The following LRMDA variants were observed in gnomAD, a reference collection of about 807,000 sequenced individuals.
LRMDA encodes the protein leucine rich melanocyte differentiation associated.
In LRMDA, 18 loss-of-function variants were observed where a neutral mutation model predicts 29.8. That is an observed-to-expected ratio of 0.60 (90% confidence interval 0.42 to 0.90). The LOEUF (loss-of-function observed/expected upper bound fraction) is 0.90. Ranked by LOEUF, LRMDA falls within the 40% of genes least tolerant of loss-of-function variation. The pLI, the probability that LRMDA is intolerant of heterozygous loss-of-function variation, is 0.00. For synonymous variants in LRMDA, 125 were observed against 109.4 expected (o/e 1.14, Z -0.89); for missense variants, 273 against 273.9 (o/e 1.00, Z 0.02).
At chr10:75,734,262 T>A (rs1449258291) in intron 2 of LRMDA, among the ~76,000 whole-genome samples, 1 of 152,118 alleles carries the variant, frequency 6.6e-6, no homozygotes, top group Non-Finnish European at 1.5e-5. Context: ...AGAGAAAACA[T>A]CCAGTAGTTA....
intron 5 of LRMDA, among the ~76,000 whole-genome samples, chr10:76,097,990 C>G (rs1271837581): frequency 1.3e-5 from 2 of 152,140 alleles, no homozygotes; most frequent in Admixed American, 1.3e-4. Context: ...TCAATATCCT[C>G]TCTAGCTATT....
intron 6 of LRMDA, among the ~76,000 whole-genome samples, chr10:76,503,141 T>C (rs2579756): frequency 2.0e-5 from 3 of 151,742 alleles, no homozygotes; most frequent in African/African-American, 7.3e-5. Flanking sequence ...TTTCTGCATC[T>C]ATTGAGATGA....
intron 6 of LRMDA, among the ~76,000 whole-genome samples, chr10:76,514,819 C>T (rs141388885): frequency 2.4e-3 from 365 of 152,184 alleles, no homozygotes; most frequent in African/African-American, 8.4e-3. Context: ...CTGGTGCACA[C>T]GTCTTCATGG....
chr10:76,557,158 C>G, intron 6 of LRMDA, 51 bp from the exon 7 acceptor site: 1 of 1,444,400 alleles, frequency 6.9e-7, no homozygotes, highest in Non-Finnish European at 9.7e-7. Context: ...CTGTGTTTCC[C>G]TGCTATGCTA....
chr10:75,939,507 C>G (rs1357038686), intron 2 of LRMDA, among the ~76,000 whole-genome samples: 1 of 152,110 alleles, frequency 6.6e-6, no homozygotes, highest in Non-Finnish European at 1.5e-5. Flanking sequence ...TGAAGATCTG[C>G]TAAAGGTCTG....
At chr10:76,083,490 T>G (rs1344724149) in intron 5 of LRMDA, among the ~76,000 whole-genome samples, 1 of 152,198 alleles carries the variant, frequency 6.6e-6, no homozygotes, top group Non-Finnish European at 1.5e-5. Context: ...CCTGATCTGT[T>G]GGCCTCACCA....
chr10:76,381,032 T>C (rs1841585209), intron 6 of LRMDA, among the ~76,000 whole-genome samples: 1 of 32,908 alleles, frequency 3.0e-5, no homozygotes, highest in Non-Finnish European at 8.8e-5. Flanking sequence ...TTTTTTTTTT[T>C]TTTTTTTGGC....
At chr10:76,260,970 A>G (rs1240631184) in intron 5 of LRMDA, 2 of 152,194 alleles carry the variant, frequency 1.3e-5, no homozygotes, top group Non-Finnish European at 2.9e-5. Context: ...CCAGCTTAGC[A>G]ACCCTACTGG....
At chr10:75,537,817 T>C (rs1839968266) in intron 2 of LRMDA, among the ~76,000 whole-genome samples, 1 of 152,180 alleles carries the variant, frequency 6.6e-6, no homozygotes, top group Non-Finnish European at 1.5e-5. Flanking sequence ...AGATGTTCCA[T>C]ACTTCTCAAA....
intron 5 of LRMDA, among the ~76,000 whole-genome samples, chr10:76,087,736 G>A (rs1244174096): frequency 6.6e-6 from 1 of 152,116 alleles, no homozygotes; most frequent in Non-Finnish European, 1.5e-5. Flanking sequence ...AAATAGAGGG[G>A]CCCAAAAGGA....
At chr10:76,166,033 CAA>C (rs762845544) in intron 5 of LRMDA, among the ~76,000 whole-genome samples, 4 of 152,154 alleles carry the variant, frequency 2.6e-5, no homozygotes, top group Admixed American at 6.5e-5. Flanking sequence ...ATGAAGTAAA[CAA>C]TGATGGGCAT....
At chr10:76,445,476 T>G (rs568582419) in intron 6 of LRMDA, among the ~76,000 whole-genome samples, 1 of 152,234 alleles carries the variant, frequency 6.6e-6, no homozygotes, top group Non-Finnish European at 1.5e-5. Context: ...CGGATGTTTA[T>G]TTGTCTGTTA....
chr10:76,295,729 C>G (rs1005929872), intron 5 of LRMDA, among the ~76,000 whole-genome samples: 1 of 152,206 alleles, frequency 6.6e-6, no homozygotes, highest in Non-Finnish European at 1.5e-5. Flanking sequence ...TAAGCTATCT[C>G]TGCCCCACCT....
At chr10:76,532,871 G>A (rs1419653614) in intron 6 of LRMDA, among the ~76,000 whole-genome samples, 1 of 152,106 alleles carries the variant, frequency 6.6e-6, no homozygotes, top group Non-Finnish European at 1.5e-5. Flanking sequence ...AAGTTACATT[G>A]CTTTAGTTAT....
chr10:76,444,452 A>T (rs776372295), intron 6 of LRMDA, among the ~76,000 whole-genome samples: 2 of 152,204 alleles, frequency 1.3e-5, no homozygotes, highest in Non-Finnish European at 2.9e-5. Flanking sequence ...CATTCTTAAG[A>T]GGCAAGAGAA....
rs138342139 is a variant in LRMDA at position 76,260,414 on chromosome 10, G to T, written c.517-63987G>T. Among the ~76,000 whole-genome samples the T allele has an allele frequency of 2.0e-3, 305 of 152,190 alleles. 3 individuals are homozygous for T. Among genetic ancestry groups the T allele is most frequent in the African/African-American group, 6.8e-3 (282 of 41,538 alleles). ...ACTTAGTTTTAGCTTGTCTGAAAAA[G>T]ATTTTATTTCTTCTTAATTTCTAAA... On this transcript the variant is annotated intron_variant, in intron 5 of 6. Coordinates refer to ENST00000611255, the MANE Select transcript of LRMDA (RefSeq NM_001305581.2).
intron 2 of LRMDA, among the ~76,000 whole-genome samples, chr10:75,646,480 C>G (rs1466963730): frequency 6.6e-6 from 1 of 152,188 alleles, no homozygotes; most frequent in Non-Finnish European, 1.5e-5. Flanking sequence ...ATTCATGTGG[C>G]CTCCGCGAAG....
intron 2 of LRMDA, among the ~76,000 whole-genome samples, chr10:75,901,253 A>G (rs1845667264): frequency 6.6e-6 from 1 of 151,984 alleles, no homozygotes; most frequent in South Asian, 2.1e-4. Flanking sequence ...TGGCATGTTC[A>G]ACCTGAATTC....
intron 2 of LRMDA, among the ~76,000 whole-genome samples, chr10:75,510,245 G>A (rs1845211490): frequency 6.6e-6 from 1 of 152,132 alleles, no homozygotes; most frequent in South Asian, 2.1e-4. Flanking sequence ...TCCTATCTGG[G>A]CTTTTGAATG....
Sources: gnomAD v4.1 joint callset for allele counts (sites outside exome capture counted in the v4.1 genomes callset) on GRCh38, gnomAD v4.1.1 for gene constraint, MANE v1.5 for transcripts, NCBI Gene and HGNC (gene_info 2026-07-23, HGNC 2026-07-21) for gene names.